The following NKAIN2 variants were observed in gnomAD, a reference collection of about 807,000 sequenced individuals.
NKAIN2 encodes the protein sodium/potassium-transporting ATPase subunit beta-1-interacting protein 2.
A neutral mutation model predicts 32.6 loss-of-function variants in NKAIN2; 14 were observed. The ratio of observed to expected loss-of-function variants is 0.43; its 90% CI spans 0.28 to 0.67. The LOEUF (loss-of-function observed/expected upper bound fraction) is 0.67, where lower values mean the gene tolerates loss of function less well. NKAIN2 is among the 30% of genes least tolerant of loss of function. The pLI is 0.17. For missense variants in NKAIN2, 198 were observed against 258.3 expected (o/e 0.77, Z 1.60); for synonymous variants, 80 against 87.2 (o/e 0.92, Z 0.46).
At chr6:124,163,551 A>G (rs1034877335) in intron 1 of NKAIN2, among the ~76,000 whole-genome samples, 3 of 152,004 alleles carry the variant, frequency 2.0e-5, no homozygotes, top group African/African-American at 7.2e-5. Flanking sequence ...AATTTTTCAG[A>G]TTTAGAACCT....
chr6:124,097,151 T>A (rs1784679225), intron 1 of NKAIN2, among the ~76,000 whole-genome samples: 1 of 152,120 alleles, frequency 6.6e-6, no homozygotes, highest in African/African-American at 2.4e-5. Flanking sequence ...GGCTCACACC[T>A]GTAATCCCAG....
intron 4 of NKAIN2, among the ~76,000 whole-genome samples, chr6:124,763,326 T>C (rs1778359604): frequency 6.6e-6 from 1 of 152,244 alleles, no homozygotes; most frequent in Non-Finnish European, 1.5e-5. Context: ...CTCACAGTTC[T>C]GCAGGCTGCA....
rs573912177 is a variant in NKAIN2 at position 124,323,059 on chromosome 6, G to T, written c.193-32208G>T. Among the ~76,000 whole-genome samples the T allele has an allele frequency of 9.2e-5, 14 of 152,114 alleles. No individual in the cohort carries two copies. In the East Asian group the frequency reaches 1.5e-3, roughly 17 times the overall value. On this transcript the variant is annotated intron_variant, in intron 2 of 6. Transcript: ENST00000368417. The stretch of plus-strand genomic sequence containing the variant: ...GAAAATGTTTTTCATGTGCTTATTT[G>T]CCATCTGCATATCCTCTTCAGTGAA...
chr6:124,078,357 A>C (rs1436940485), intron 1 of NKAIN2, among the ~76,000 whole-genome samples: 1 of 151,982 alleles, frequency 6.6e-6, no homozygotes, highest in Non-Finnish European at 1.5e-5. Flanking sequence ...TAAATCAACA[A>C]GTGCTTATTA....
intron 3 of NKAIN2, among the ~76,000 whole-genome samples, chr6:124,623,666 C>A (rs1319466115): frequency 6.6e-6 from 1 of 152,164 alleles, no homozygotes; most frequent in African/African-American, 2.4e-5. Flanking sequence ...TCTGGAAAGT[C>A]TAAGGAGGTG....
At chr6:124,596,720 T>G (rs534578982) in intron 3 of NKAIN2, among the ~76,000 whole-genome samples, 4 of 151,652 alleles carry the variant, frequency 2.6e-5, no homozygotes, top group African/African-American at 9.7e-5. Flanking sequence ...GTAATGTATA[T>G]ACAAATAAAT....
At chr6:124,066,459 A>G (rs1017012677) in intron 1 of NKAIN2, among the ~76,000 whole-genome samples, 1 of 152,298 alleles carries the variant, frequency 6.6e-6, no homozygotes, top group African/African-American at 2.4e-5. Context: ...GCAGTAAAGT[A>G]TACTTACCTA....
At chr6:124,229,533 T>TAGATAGACAGAC (rs1298590453) in intron 1 of NKAIN2, among the ~76,000 whole-genome samples, 207 of 149,168 alleles carry the variant, frequency 1.4e-3, no homozygotes, top group African/African-American at 4.9e-3. Context: ...GATAGATAGA[T>TAGATAGACAGAC]AGACAGACAG....
intron 1 of NKAIN2, among the ~76,000 whole-genome samples, chr6:123,952,479 C>A (rs937748463): frequency 2.6e-5 from 4 of 152,090 alleles, no homozygotes; most frequent in African/African-American, 7.2e-5. Context: ...GGTTTTCTAA[C>A]CCTTTCAGTT....
At chr6:124,537,550 T>C (rs1779761861) in intron 3 of NKAIN2, among the ~76,000 whole-genome samples, 1 of 152,220 alleles carries the variant, frequency 6.6e-6, no homozygotes, top group Non-Finnish European at 1.5e-5. Flanking sequence ...TATATCTATG[T>C]CTATCTCTTT....
At chr6:124,770,964 G>A (rs1372779589) in intron 4 of NKAIN2, among the ~76,000 whole-genome samples, 2 of 152,124 alleles carry the variant, frequency 1.3e-5, no homozygotes, top group Non-Finnish European at 2.9e-5. Context: ...AGAGTAAGAG[G>A]AAATCTAGGA....
intron 4 of NKAIN2, among the ~76,000 whole-genome samples, chr6:124,697,635 T>C (rs115957130): frequency 6.6e-6 from 1 of 152,308 alleles, no homozygotes; most frequent in Admixed American, 6.5e-5. Flanking sequence ...TGTAGGTTAA[T>C]AGGCATTTGT....
At chr6:124,122,651 C>T (rs937270052) in intron 1 of NKAIN2, among the ~76,000 whole-genome samples, 6 of 152,046 alleles carry the variant, frequency 3.9e-5, no homozygotes, top group Non-Finnish European at 7.4e-5. Context: ...CCTCAAATTT[C>T]ATAGTATTTC....
At chr6:124,325,941 A>G (rs1299505839) in intron 2 of NKAIN2, among the ~76,000 whole-genome samples, 1 of 152,018 alleles carries the variant, frequency 6.6e-6, no homozygotes, top group Non-Finnish European at 1.5e-5. Flanking sequence ...GTGGAATTGA[A>G]TTCTCTTTTA....
intron 1 of NKAIN2, among the ~76,000 whole-genome samples, chr6:124,052,258 G>C (rs943173294): frequency 2.0e-5 from 3 of 152,038 alleles, no homozygotes; most frequent in African/African-American, 7.2e-5. Flanking sequence ...ACGTAGGAAG[G>C]ATTGGAACCA....
chr6:124,796,012 T>G (rs1197310369), intron 5 of NKAIN2, among the ~76,000 whole-genome samples: 1 of 152,154 alleles, frequency 6.6e-6, no homozygotes, highest in Non-Finnish European at 1.5e-5. Flanking sequence ...TTTAGTTATC[T>G]AAGCCAGAGC....
In NKAIN2 at chr6:124,664,772, C is replaced by T. The variant is rs1284423683; in HGVS notation, c.474+6386C>T. ...TCCCGCCACTGCACTCCAGCCTGGG[C>T]GACAGAGCGAGACTCCGTCTCAAAA... On this transcript the variant is annotated intron_variant, in intron 4 of 6. Transcript: ENST00000368417. Among the ~76,000 whole-genome samples, 14 of 105,958 alleles carry T rather than the reference C, an allele frequency of 1.3e-4. No individual in the cohort carries two copies. In the Admixed American group the frequency reaches 1.9e-3, roughly 15 times the overall value. The allele number at this position is 105,958 out of a possible 152,430, so 69.5% of individuals were successfully genotyped here. A position where few individuals can be genotyped will look rare whatever the true frequency, so the allele number is the denominator to read the frequency against.
At chr6:124,707,725 T>C (rs1453229767) in intron 4 of NKAIN2, among the ~76,000 whole-genome samples, 1 of 151,966 alleles carries the variant, frequency 6.6e-6, no homozygotes, top group African/African-American at 2.4e-5. Flanking sequence ...GAGTCCATTG[T>C]AGATTCTGGA....
At chr6:124,444,289 A>G (rs1157301431) in intron 3 of NKAIN2, among the ~76,000 whole-genome samples, 2 of 152,042 alleles carry the variant, frequency 1.3e-5, no homozygotes, top group African/African-American at 4.8e-5. Flanking sequence ...TTACAACTTC[A>G]AAAAAATGTT....
Sources: gnomAD v4.1 joint callset for allele counts (sites outside exome capture counted in the v4.1 genomes callset) on GRCh38, gnomAD v4.1.1 for gene constraint, MANE v1.5 for transcripts, NCBI Gene and HGNC (gene_info 2026-07-23, HGNC 2026-07-21) for gene names.